Variants in SMOC2 observed in about 807,000 individuals in gnomAD.
SMOC2 encodes SPARC related modular calcium binding 2.
Under a neutral mutation model 61.4 loss-of-function variants are expected in SMOC2, and 39 were observed. The ratio of observed to expected loss-of-function variants is 0.64; its 90% CI spans 0.49 to 0.83. The LOEUF is 0.83. SMOC2 is among the 40% of genes least tolerant of loss of function. The pLI is 0.00. For missense variants in SMOC2, 556 were observed against 592.9 expected, an observed-to-expected ratio of 0.94 and a Z score of 0.65; for synonymous variants, 247 against 239.9, an observed-to-expected ratio of 1.03 and a Z score of -0.27.
At chr6:168,470,143 G>A (rs1480866742) in intron 1 of SMOC2, among the ~76,000 whole-genome samples, 1 of 152,076 alleles carries the variant, frequency 6.6e-6, no homozygotes, top group Non-Finnish European at 1.5e-5. Context: ...GGGCGGAGCC[G>A]GAACATGCTT....
At chr6:168,524,278 T>G (rs1430518011) in intron 2 of SMOC2, among the ~76,000 whole-genome samples, 1 of 152,250 alleles carries the variant, frequency 6.6e-6, no homozygotes, top group African/African-American at 2.4e-5. Flanking sequence ...TTTTACTTCA[T>G]AAGATGACTG....
chr6:168,517,939 G>A (rs556039337), intron 2 of SMOC2, among the ~76,000 whole-genome samples: 19 of 152,344 alleles, frequency 1.2e-4, no homozygotes, highest in Admixed American at 5.9e-4. Context: ...AGCCTGGGCC[G>A]GGGGGCTCTG....
At chr6:168,476,480 GTA>G (rs755336477) in intron 1 of SMOC2, among the ~76,000 whole-genome samples, 6 of 134,536 alleles carry the variant, frequency 4.5e-5, no homozygotes, top group South Asian at 5.0e-4. Context: ...GTGTGTGTGT[GTA>G]TGTGTGTGTG....
intron 7 of SMOC2, among the ~76,000 whole-genome samples, chr6:168,584,040 C>T (rs1461471447): frequency 6.6e-6 from 1 of 152,230 alleles, no homozygotes; most frequent in Non-Finnish European, 1.5e-5. Flanking sequence ...AGTCCCTACA[C>T]GTCAGAGCAG....
chr6:168,568,700 C>G (rs1156398769), intron 7 of SMOC2, among the ~76,000 whole-genome samples: 1 of 152,186 alleles, frequency 6.6e-6, no homozygotes, highest in African/African-American at 2.4e-5. Context: ...TTCCCCCTCA[C>G]CCTTGGAAAC....
At position 168,453,254 on chromosome 6, in the gene SMOC2, G is replaced by C. The variant is rs1781505300; in HGVS notation, c.84+11800G>C. 6.6e-6 allele frequency among the ~76,000 whole-genome samples: 1 copy of C among 152,182 alleles called. No individual in the cohort carries two copies. The highest frequency in any genetic ancestry group is 2.4e-5 in the African/African-American group (1 of 41,454). ...CGGGACCCAGGGCTGTGCCCCAAGAGGGTGTGGGGCAGCCAGGGGGTGTGG... is the reference window on the plus strand; with the variant it reads ...CGGGACCCAGGGCTGTGCCCCAAGACGGTGTGGGGCAGCCAGGGGGTGTGG... On this transcript the variant is annotated intron_variant, in intron 1 of 12. Transcript: ENST00000356284. The surrounding 1 kb of genome is among the most constrained non-coding windows in gnomAD (Gnocchi z 4.4).
At chr6:168,610,380 T>C (rs1785827393) in intron 9 of SMOC2, among the ~76,000 whole-genome samples, 1 of 152,212 alleles carries the variant, frequency 6.6e-6, no homozygotes, top group Admixed American at 6.5e-5. Context: ...CTTAATTATT[T>C]TGATTATTTG....
chr6:168,512,370 C>A (rs1783029099), intron 2 of SMOC2, among the ~76,000 whole-genome samples: 1 of 152,188 alleles, frequency 6.6e-6, no homozygotes, highest in Admixed American at 6.5e-5. Context: ...ACCCCAGCGT[C>A]ACCAGCACGA....
chr6:168,458,242 C>T (rs1465984092), intron 1 of SMOC2, among the ~76,000 whole-genome samples: 2 of 152,122 alleles, frequency 1.3e-5, no homozygotes, highest in African/African-American at 4.8e-5. Flanking sequence ...ACGGTCTCAC[C>T]CTGCCCCTCC....
chr6:168,467,136 A>ACACACACACACACACAC (rs1781853992), intron 1 of SMOC2, among the ~76,000 whole-genome samples: 3 of 133,334 alleles, frequency 2.2e-5, no homozygotes, highest in African/African-American at 8.3e-5. Context: ...AGTGCTCTCA[A>ACACACACACACACACAC]ACACACACAC....
intron 1 of SMOC2, among the ~76,000 whole-genome samples, chr6:168,476,461 T>G (rs1351826616): frequency 2.1e-5 from 3 of 144,734 alleles, no homozygotes; most frequent in Non-Finnish European, 4.4e-5. Flanking sequence ...TGGCAATCTT[T>G]TATCCTGTGT....
chr6:168,636,439 G>T (rs1321955575), intron 9 of SMOC2, among the ~76,000 whole-genome samples: 1 of 152,228 alleles, frequency 6.6e-6, no homozygotes, highest in African/African-American at 2.4e-5. Flanking sequence ...GATAATATGT[G>T]TTGGTTGTAG....
chr6:168,592,420 G>A (rs200351211), intron 7 of SMOC2, among the ~76,000 whole-genome samples: 2 of 81,482 alleles, frequency 2.5e-5, no homozygotes, highest in Non-Finnish European at 5.4e-5. Context: ...GAGGCCTCAC[G>A]AGCATCTTTC....
At chr6:168,642,296 G>A (rs1450678145) in intron 9 of SMOC2, among the ~76,000 whole-genome samples, 3 of 152,202 alleles carry the variant, frequency 2.0e-5, no homozygotes, top group Admixed American at 6.5e-5. Context: ...GCTACAGCTC[G>A]GCGTCAGCCT....
At chr6:168,582,725 G>A (rs967193185) in intron 7 of SMOC2, among the ~76,000 whole-genome samples, 4 of 152,358 alleles carry the variant, frequency 2.6e-5, no homozygotes, top group African/African-American at 7.2e-5. Context: ...GGAGGAGTGC[G>A]TCACGCGGTG....
intron 9 of SMOC2, among the ~76,000 whole-genome samples, chr6:168,615,223 A>G (rs1448896103): frequency 8.4e-4 from 75 of 89,160 alleles, no homozygotes; most frequent in East Asian, 1.2e-3. Context: ...ACCTACAGCC[A>G]GCACGGGGCC....
chr6:168,631,069 CA>C (rs1161913497), intron 9 of SMOC2, among the ~76,000 whole-genome samples: 4 of 152,130 alleles, frequency 2.6e-5, no homozygotes, highest in African/African-American at 9.7e-5. Context: ...TGATGTCTGT[CA>C]CCCACACCTA....
intron 9 of SMOC2, among the ~76,000 whole-genome samples, chr6:168,621,326 A>C (rs1226365944): frequency 6.6e-6 from 1 of 152,198 alleles, no homozygotes; most frequent in Non-Finnish European, 1.5e-5. Flanking sequence ...CCTTATTTCC[A>C]GAGGAGAATA....
chr6:168,611,282 G>A (rs1328265762), intron 9 of SMOC2, among the ~76,000 whole-genome samples: 4 of 100,424 alleles, frequency 4.0e-5, no homozygotes, highest in South Asian at 4.9e-4. Context: ...CGTGGCTCCC[G>A]TGTCGGGCCT....
Sources: allele counts gnomAD v4.1 joint callset (sites outside exome capture counted in the v4.1 genomes callset), GRCh38; gene constraint gnomAD v4.1.1; non-coding constraint Gnocchi (gnomAD v3.1); transcripts MANE v1.5; gene names NCBI Gene and HGNC (gene_info 2026-07-23, HGNC 2026-07-21).